Variants in MIB1 observed in about 807,000 individuals in gnomAD.
MIB1 encodes E3 ubiquitin-protein ligase MIB1.
Under a neutral mutation model 124.5 loss-of-function variants are expected in MIB1, and 278 were observed. The ratio of observed to expected loss-of-function variants is 2.23; its 90% CI spans 2.02 to 2.47. The LOEUF is 2.47. MIB1 is among the 30% of genes most tolerant of loss of function. MIB1 has a pLI of 0.00. For missense variants in MIB1, 957 were observed against 1,254.4 expected, an observed-to-expected ratio of 0.76 and a Z score of 3.58; for synonymous variants, 446 against 429.4, an observed-to-expected ratio of 1.04 and a Z score of -0.48.
chr18:21,777,520 T>C (rs1437928103), intron 4 of MIB1, among the ~76,000 whole-genome samples: 2 of 152,222 alleles, frequency 1.3e-5, no homozygotes, highest in African/African-American at 4.8e-5. Context: ...ATAAGCATTT[T>C]AGTCTAATGT....
chr18:21,838,309 T>C, intron 12 of MIB1, 56 bp from the exon 13 acceptor site: 1 of 1,286,040 alleles, frequency 7.8e-7, no homozygotes, highest in Non-Finnish European at 1.1e-6. Context: ...TGCAAACTTT[T>C]CTTTTGAGTA....
chr18:21,847,039 A>G lies in MIB1; in HGVS notation c.2307A>G (p.Arg769=), dbSNP rs374946957. The change falls in exon 16 of 21, where the codon CGA becomes CGG. Residue 769 remains arginine, a synonymous_variant. Transcript: ENST00000261537. ...LAANGADLSI[R]NKKGQSPLDL... is the part of the protein sequence containing the mutation. ...CCAATGGTGCTGACCTGAGCATTCGAAATAAGAAGGGTCAATCGCCACTTG... is the reference window on the plus strand; with the variant it reads ...CCAATGGTGCTGACCTGAGCATTCGGAATAAGAAGGGTCAATCGCCACTTG... 2.5e-5 allele frequency: 40 copies of G among 1,614,042 alleles called. No individual in the cohort carries two copies. Among genetic ancestry groups the G allele is most frequent in the Non-Finnish European group, 3.2e-5 (38 of 1,180,032 alleles).
intron 1 of MIB1, among the ~76,000 whole-genome samples, chr18:21,730,586 G>A (rs1284006712): frequency 1.3e-5 from 2 of 151,922 alleles, no homozygotes; most frequent in African/African-American, 4.8e-5. Context: ...CAACCATACC[G>A]TGCTTTTGTT....
intron 12 of MIB1, among the ~76,000 whole-genome samples, chr18:21,836,279 T>G (rs1248261183): frequency 2.6e-5 from 4 of 150,998 alleles, no homozygotes; most frequent in Admixed American, 2.6e-4. Flanking sequence ...AAAGGTTTTT[T>G]TTTTTTTTTT....
intron 12 of MIB1, chr18:21,830,900 A>G (rs946923104): frequency 6.6e-6 from 1 of 151,802 alleles, no homozygotes; most frequent in Non-Finnish European, 1.5e-5. Flanking sequence ...AACAAAAACC[A>G]CCAACAAAAA....
chr18:21,743,438 T>C (rs79023008), intron 1 of MIB1, among the ~76,000 whole-genome samples: 13,689 of 152,302 alleles, frequency 0.09, 677 homozygotes, highest in Middle Eastern at 0.14. Context: ...TTTACAATGA[T>C]GCAGTGAATA....
chr18:21,856,002 G>C lies in MIB1; in HGVS notation c.2666-1128G>C, dbSNP rs537195309. On this transcript the variant is annotated intron_variant, in intron 18 of 20. Coordinates refer to ENST00000261537, the MANE Select transcript of MIB1 (RefSeq NM_020774.4). Reference sequence around the variant, plus strand: ...TCCCAGCACTTTGGGAGGCCGAAGCGGGTGGATCATGAGGTCAGGAGATCG... The same window carrying C: ...TCCCAGCACTTTGGGAGGCCGAAGCCGGTGGATCATGAGGTCAGGAGATCG... Among the ~76,000 whole-genome samples, 4 of 151,496 alleles carry C rather than the reference G, an allele frequency of 2.6e-5. No individual in the cohort carries two copies. The East Asian group carries it at 7.8e-4, about 29-fold the overall frequency.
rs1449620826 is a variant in MIB1, at chr18:21,740,814, AG to A, written c.-767del. 6.6e-6 allele frequency among the ~76,000 whole-genome samples: 1 copy of A among 152,226 alleles called. No individual in the cohort carries two copies. The highest frequency in any genetic ancestry group is 1.5e-5 in the Non-Finnish European group (1 of 68,032). On this transcript the variant is annotated 5_prime_UTR_variant, in exon 1 of 21. Transcript: ENST00000261537. ...CTCCTTGGACCCTGGAGAGACGCTT[AG>A]GGATCAGTTTTCTCCTCCTTTCTTC...
intron 8 of MIB1, 104 bp from the exon 9 acceptor site, chr18:21,799,737 G>T: frequency 2.6e-6 from 3 of 1,134,466 alleles, no homozygotes; most frequent in Non-Finnish European, 3.6e-6. Flanking sequence ...ATGATGGAAA[G>T]AATAAAATAG....
Position 21,714,342 on chromosome 18 carries a change from C to T in MIB1, n.167+9219C>T, listed in dbSNP as rs73963242. On this transcript the variant is annotated intron_variant and non_coding_transcript_variant, in intron 1 of 20. Coordinates refer to the MIB1 transcript ENST00000578646. ...ATGCTAGATCTCTTGGTGGTGAATA[C>T]GTGAGTTTCATGCTGGGAGTAGGGA... Among the ~76,000 whole-genome samples the T allele has an allele frequency of 9.1e-3, 1,382 of 152,166 alleles. 26 individuals carry two copies. Among genetic ancestry groups the T allele is most frequent in the African/African-American group, 0.031 (1,290 of 41,500 alleles).
chr18:21,777,524 C>T (rs776355427), intron 4 of MIB1, among the ~76,000 whole-genome samples: 3 of 152,020 alleles, frequency 2.0e-5, no homozygotes, highest in Non-Finnish European at 2.9e-5. Context: ...GCATTTTAGT[C>T]TAATGTAATA....
intron 5 of MIB1, 140 bp downstream of exon 5, chr18:21,778,309 TTAAAG>T (rs2041316160): frequency 1.9e-6 from 1 of 531,374 alleles, no homozygotes; most frequent in African/African-American, 2.0e-5. Flanking sequence ...TCCTTTGGTC[TTAAAG>T]TATTTTTTCT....
At chr18:21,811,340 A>G (rs1235688443) in intron 10 of MIB1, among the ~76,000 whole-genome samples, 1 of 152,180 alleles carries the variant, frequency 6.6e-6, no homozygotes, top group African/African-American at 2.4e-5. Flanking sequence ...ATTGAATTAC[A>G]ATATGATCCA....
At chr18:21,791,254 C>A in intron 6 of MIB1, 120 bp from the exon 7 acceptor site, 4 of 667,500 alleles carry the variant, frequency 6.0e-6, no homozygotes, top group Non-Finnish European at 9.5e-6. Context: ...TAAATAAACA[C>A]AAATCATTCA....
chr18:21,828,540 CTTA>C (rs1418939424), intron 12 of MIB1: 1 of 151,892 alleles, frequency 6.6e-6, no homozygotes, highest in African/African-American at 2.4e-5. Flanking sequence ...GAAGAAATAG[CTTA>C]TTATGTGAAT....
intron 9 of MIB1, among the ~76,000 whole-genome samples, chr18:21,800,913 A>G (rs1425116130): frequency 1.3e-5 from 2 of 152,078 alleles, no homozygotes; most frequent in African/African-American, 4.8e-5. Flanking sequence ...TGTTTGAAAG[A>G]TAGTCGGATT....
At chr18:21,851,785 C>T (rs1465032037) in intron 17 of MIB1, among the ~76,000 whole-genome samples, 1 of 152,130 alleles carries the variant, frequency 6.6e-6, no homozygotes, top group African/African-American at 2.4e-5. Context: ...AGACATTACA[C>T]AATATGCTTT....
intron 9 of MIB1, 35 bp downstream of exon 9, chr18:21,800,009 A>G: frequency 3.8e-6 from 6 of 1,577,526 alleles, no homozygotes; most frequent in Admixed American, 1.7e-5. Context: ...AAGCATACAA[A>G]AAGTAGAATA....
At chr18:21,779,069 G>A (rs913454104) in intron 5 of MIB1, among the ~76,000 whole-genome samples, 9 of 152,076 alleles carry the variant, frequency 5.9e-5, no homozygotes, top group Admixed American at 2.6e-4. Context: ...AAATAAGATA[G>A]TACTAAGCAC....
Sources: allele counts gnomAD v4.1 joint callset (sites outside exome capture counted in the v4.1 genomes callset), GRCh38; gene constraint gnomAD v4.1.1; transcripts MANE v1.5; gene names NCBI Gene and HGNC (gene_info 2026-07-23, HGNC 2026-07-21).